ZNF146: variants seen among roughly 807,000 people sequenced by gnomAD.
ZNF146 encodes the protein zinc finger protein 146, also known as zinc finger protein OZF.
In ZNF146, 9 loss-of-function variants were observed where a neutral mutation model predicts 22.2. The observed-to-expected ratio is 0.41, with a 90% CI of 0.24 to 0.71. The LOEUF is 0.71. ZNF146 is among the 30% of genes least tolerant of loss of function. The pLI is 0.34. For synonymous variants in ZNF146, 108 were observed against 119.2 expected, an observed-to-expected ratio of 0.91 and a Z score of 0.61; for missense variants, 194 against 344.8, an observed-to-expected ratio of 0.56 and a Z score of 3.46.
intron 3 of ZNF146, among the ~76,000 whole-genome samples, chr19:36,233,759 G>A (rs982575368): frequency 3.3e-5 from 5 of 152,052 alleles, no homozygotes; most frequent in Admixed American, 6.5e-5. Flanking sequence ...GCCCTAAGGC[G>A]GTTTTCCCCT....
chr19:36,219,584 A>G (rs990771474), intron 2 of ZNF146, among the ~76,000 whole-genome samples: 2 of 152,102 alleles, frequency 1.3e-5, no homozygotes, highest in African/African-American at 4.8e-5. Flanking sequence ...CAAATTGCAT[A>G]CCATTAGGAG....
Position 36,236,659 on chromosome 19 carries a change from A to G in ZNF146, c.219A>G (p.Glu73=), listed in dbSNP as rs1194517844. The change falls in exon 4 of 4, where the codon GAA becomes GAG. Residue 73 remains glutamate (E), a synonymous_variant. Transcript: ENST00000443387. ...QNTHTGEKLF[E]CNECGKSFSQ... ...CCCATACTGGCGAGAAGCTTTTCGA[A>G]TGTAATGAATGTGGAAAATCATTTA... The G allele has an allele frequency of 1.2e-6, 2 of 1,614,230 alleles. No individual in the cohort carries two copies. The highest frequency in any genetic ancestry group is 3.3e-5 in the Admixed American group (2 of 60,034).
intron 2 of ZNF146, among the ~76,000 whole-genome samples, chr19:36,228,274 T>TA (rs199706395): frequency 6.6e-6 from 1 of 151,664 alleles, no homozygotes; most frequent in African/African-American, 2.4e-5. Flanking sequence ...AACAACTTCT[T>TA]CACATTGTGC....
At chr19:36,224,951 A>G (rs34242075) in intron 2 of ZNF146, among the ~76,000 whole-genome samples, 7,785 of 150,888 alleles carry the variant, frequency 0.052, 255 homozygotes, top group Non-Finnish European at 0.069. Context: ...GTTGATTTCT[A>G]CATACTAATA....
chr19:36,226,254 C>T (rs1235020066), intron 2 of ZNF146, among the ~76,000 whole-genome samples: 2 of 152,184 alleles, frequency 1.3e-5, no homozygotes, highest in Admixed American at 6.5e-5. Context: ...CTTGATCTCC[C>T]TCCTGCAAGT....
At position 36,238,443 on chromosome 19, in the gene ZNF146, G is replaced by A. The variant is rs996996934; in HGVS notation, c.*1124G>A. 6.0e-6 allele frequency: 1 copy of A among 167,032 alleles called. No homozygotes were observed. The highest frequency in any genetic ancestry group is 1.5e-5 in the Non-Finnish European group (1 of 68,108). 10.3% of individuals were successfully genotyped at this position (167,032 alleles called of 1,614,324 possible). On this transcript the variant is annotated 3_prime_UTR_variant, in exon 4 of 4. Coordinates refer to ENST00000443387, the MANE Select transcript of ZNF146 (RefSeq NM_007145.3). The stretch of plus-strand genomic sequence containing the variant: ...TGGGTATTGGTTAAAGGGGACTTCA[G>A]CTTTTTATATAAACATCCACTTCTC...
At chr19:36,230,592 C>G (rs1977291045) in intron 3 of ZNF146, among the ~76,000 whole-genome samples, 1 of 152,072 alleles carries the variant, frequency 6.6e-6, no homozygotes, top group African/African-American at 2.4e-5. Flanking sequence ...GGTGGAAGAT[C>G]ATTAGCCAGA....
At chr19:36,225,454 T>G (rs1055156991) in intron 2 of ZNF146, among the ~76,000 whole-genome samples, 2 of 152,180 alleles carry the variant, frequency 1.3e-5, no homozygotes, top group South Asian at 4.1e-4. Flanking sequence ...AAAAGTTTTG[T>G]GTCTTAAGTT....
At position 36,237,525 on chromosome 19, in the gene ZNF146, A is replaced by C; in HGVS notation, c.*206A>C. ...CCCTGTGTCCAACAGAGAAACCTGC[A>C]GCAGAGATAATGGTGAAAGTTTAGG... On this transcript the variant is annotated 3_prime_UTR_variant, in exon 4 of 4. Transcript: ENST00000443387. The C allele has an allele frequency of 2.1e-6, 1 of 482,554 alleles. No individual in the cohort carries two copies. The highest frequency in any genetic ancestry group is 5.6e-5 in the South Asian group (1 of 17,904). 29.9% of individuals were successfully genotyped at this position (482,554 alleles called of 1,614,324 possible).
chr19:36,236,557 G>C lies in ZNF146; in HGVS notation c.117G>C (p.Thr39=). 6.2e-7 allele frequency: 1 copy of C among 1,614,106 alleles called. No individual in the cohort carries two copies. The highest frequency in any genetic ancestry group is 8.5e-7 in the Non-Finnish European group (1 of 1,180,012). ...SNLTEHEHFH[T]REKPFECNEC... ...TCACTGAGCATGAGCATTTTCACAC[G>C]AGAGAGAAACCTTTTGAATGTAACG... Residue 39 remains threonine, a synonymous_variant, in exon 4 of 4, where the codon ACG becomes ACC. Transcript: ENST00000443387.
At chr19:36,231,302 C>T (rs376815656) in intron 3 of ZNF146, among the ~76,000 whole-genome samples, 14 of 152,076 alleles carry the variant, frequency 9.2e-5, no homozygotes, top group Admixed American at 6.6e-5. Flanking sequence ...CTCTGCCTCC[C>T]GGGTTCAAGT....
Position 36,215,182 on chromosome 19 carries a change from G to C in ZNF146, c.-943G>C, listed in dbSNP as rs1237550520. ...TCAGTACGGCCCCTGGGTCCACGTGGCGCGAAAGTAGGAGGTGGGATCTGG... is the reference window on the plus strand; with the variant it reads ...TCAGTACGGCCCCTGGGTCCACGTGCCGCGAAAGTAGGAGGTGGGATCTGG... On this transcript the variant is annotated 5_prime_UTR_variant, in exon 1 of 4. Coordinates refer to ENST00000443387, the MANE Select transcript of ZNF146 (RefSeq NM_007145.3). 1.3e-5 allele frequency: 2 copies of C among 152,218 alleles called. No individual in the cohort carries two copies. Among genetic ancestry groups the C allele is most frequent in the African/African-American group, 4.8e-5 (2 of 41,412 alleles). 9.4% of individuals were successfully genotyped at this position (152,218 alleles called of 1,614,324 possible). A position where few individuals can be genotyped will look rare whatever the true frequency, so the allele number is the denominator to read the frequency against.
intron 3 of ZNF146, among the ~76,000 whole-genome samples, chr19:36,235,424 G>T (rs1977611374): frequency 6.6e-6 from 1 of 151,976 alleles, no homozygotes; most frequent in Non-Finnish European, 1.5e-5. Context: ...CCTCAAGTAG[G>T]GTTCCCTTCT....
intron 2 of ZNF146, among the ~76,000 whole-genome samples, 186 bp downstream of exon 2, chr19:36,218,381 A>G (rs1198395561): frequency 1.3e-5 from 2 of 151,760 alleles, no homozygotes; most frequent in Non-Finnish European, 2.9e-5. Context: ...CTAGCTGCAA[A>G]AAAAATGCTT....
intron 3 of ZNF146, among the ~76,000 whole-genome samples, chr19:36,232,934 G>A (rs1007783981): frequency 6.6e-6 from 1 of 152,024 alleles, no homozygotes; most frequent in Non-Finnish European, 1.5e-5. Context: ...AAATGCTGAA[G>A]GAATAGTTAA....
chr19:36,215,872 AT>A (rs1568426986), intron 1 of ZNF146, among the ~76,000 whole-genome samples: 1 of 152,138 alleles, frequency 6.6e-6, no homozygotes, highest in Non-Finnish European at 1.5e-5. Context: ...AGTTATCCTC[AT>A]TTTTTGAAGA....
At chr19:36,226,374 C>G (rs1332487650) in intron 2 of ZNF146, among the ~76,000 whole-genome samples, 1 of 152,184 alleles carries the variant, frequency 6.6e-6, no homozygotes, top group Non-Finnish European at 1.5e-5. Flanking sequence ...GGTGATCAAG[C>G]TTTTTCAACA....
chr19:36,224,022 A>G (rs994454921), intron 2 of ZNF146, among the ~76,000 whole-genome samples: 6 of 152,036 alleles, frequency 3.9e-5, no homozygotes, highest in Non-Finnish European at 7.3e-5. Context: ...GGTGTATGCT[A>G]TCAGATATGC....
At chr19:36,226,295 C>A (rs2145423458) in intron 2 of ZNF146, among the ~76,000 whole-genome samples, 1 of 152,334 alleles carries the variant, frequency 6.6e-6, no homozygotes, top group East Asian at 1.9e-4. Flanking sequence ...TCTCGTGTTT[C>A]TGTCATGTAT....
Sources: gnomAD v4.1 joint callset for allele counts (sites outside exome capture counted in the v4.1 genomes callset) on GRCh38, gnomAD v4.1.1 for gene constraint, MANE v1.5 for transcripts, NCBI Gene and HGNC (gene_info 2026-07-23, HGNC 2026-07-21) for gene names.